SPATA16: variants seen among roughly 807,000 people sequenced by gnomAD.
The protein encoded by SPATA16 is spermatogenesis-associated protein 16.
SPATA16 carries 36 observed loss-of-function variants against 63.3 expected under a neutral mutation model. The observed-to-expected ratio is 0.57, with a 90% confidence interval of 0.44 to 0.75. The LOEUF (loss-of-function observed/expected upper bound fraction) is 0.75. Among genes scored for constraint, SPATA16 ranks in the 30% least tolerant of loss-of-function variants. The pLI is 0.00. For synonymous variants in SPATA16, 203 were observed against 216.7 expected, an observed-to-expected ratio of 0.94 and a Z score of 0.56; for missense variants, 646 against 679.3, an observed-to-expected ratio of 0.95 and a Z score of 0.54.
At chr3:173,060,262 AAAAGAAACAAAGCC>A (rs1352071584) in intron 2 of SPATA16, among the ~76,000 whole-genome samples, 1 of 152,154 alleles carries the variant, frequency 6.6e-6, no homozygotes, top group Non-Finnish European at 1.5e-5. Context: ...CATCCCCAAA[AAAAGAAACAAAGCC>A]AAAGATGGAG....
intron 2 of SPATA16, among the ~76,000 whole-genome samples, chr3:173,049,373 AAT>A (rs1362322488): frequency 1.3e-5 from 2 of 152,170 alleles, no homozygotes; most frequent in Non-Finnish European, 2.9e-5. Context: ...CTTCCTGTAA[AAT>A]ATTTTAAAAG....
At chr3:173,080,316 A>T (rs775047779) in intron 2 of SPATA16, among the ~76,000 whole-genome samples, 1 of 152,234 alleles carries the variant, frequency 6.6e-6, no homozygotes, top group African/African-American at 2.4e-5. Flanking sequence ...GTAGTTAGGG[A>T]CTAGGCAAAG....
chr3:172,924,863 G>A (rs1474501677), intron 7 of SPATA16, among the ~76,000 whole-genome samples: 1 of 152,102 alleles, frequency 6.6e-6, no homozygotes, highest in Non-Finnish European at 1.5e-5. Context: ...CTTGAGTTTT[G>A]AAAGTTTCGA....
intron 2 of SPATA16, among the ~76,000 whole-genome samples, chr3:173,109,041 A>G (rs1737686117): frequency 6.6e-6 from 1 of 152,136 alleles, no homozygotes; most frequent in African/African-American, 2.4e-5. Flanking sequence ...TTTTTATGGA[A>G]TGTGATTCTC....
At chr3:172,965,655 T>C (rs1459791610) in intron 5 of SPATA16, among the ~76,000 whole-genome samples, 1 of 151,874 alleles carries the variant, frequency 6.6e-6, no homozygotes, top group Non-Finnish European at 1.5e-5. Context: ...TTTTTTGAGA[T>C]GGAGTCTCGC....
At chr3:173,093,076 CAT>C (rs1553802178) in intron 2 of SPATA16, among the ~76,000 whole-genome samples, 67 of 144,040 alleles carry the variant, frequency 4.7e-4, no homozygotes, top group South Asian at 8.9e-4. Context: ...CACACACACA[CAT>C]ATATATATAT....
chr3:172,904,764 T>C (rs764128358), intron 10 of SPATA16, among the ~76,000 whole-genome samples: 3 of 152,238 alleles, frequency 2.0e-5, no homozygotes, highest in Admixed American at 6.5e-5. Context: ...GTGGGAAAGA[T>C]GGCCAGACCA....
chr3:172,918,655 A>G (rs1732551975), intron 8 of SPATA16, among the ~76,000 whole-genome samples: 1 of 152,164 alleles, frequency 6.6e-6, no homozygotes, highest in African/African-American at 2.4e-5. Flanking sequence ...ATAATAAAAA[A>G]TAGGAATTAG....
intron 3 of SPATA16, among the ~76,000 whole-genome samples, chr3:173,020,811 G>A (rs1473103269): frequency 2.0e-5 from 3 of 152,182 alleles, no homozygotes; most frequent in African/African-American, 7.2e-5. Flanking sequence ...GCTACAGAAT[G>A]TTACAGAACC....
In SPATA16 at chr3:173,088,326, G is replaced by A. The variant is rs182190114; in HGVS notation, c.612+28794C>T. ...TCTCTATCTCTTGACCTCATGATCCGACCACCTTGGCCTCCCAAAGTGCTG... is the reference window on the plus strand; with the variant it reads ...TCTCTATCTCTTGACCTCATGATCCAACCACCTTGGCCTCCCAAAGTGCTG... On this transcript the variant is annotated intron_variant, in intron 2 of 10. Coordinates refer to ENST00000351008, the MANE Select transcript of SPATA16 (RefSeq NM_031955.6). Among the ~76,000 whole-genome samples the A allele has an allele frequency of 1.4e-4, 21 of 151,548 alleles. No individual in the cohort carries two copies. The East Asian group carries it at 2.9e-3, about 21-fold the overall frequency.
intron 1 of SPATA16, among the ~76,000 whole-genome samples, chr3:173,119,529 C>T (rs1207479409): frequency 6.6e-6 from 1 of 152,162 alleles, no homozygotes; most frequent in Admixed American, 6.5e-5. Context: ...ATATGAATGA[C>T]TGAATTCCAA....
chr3:172,968,131 C>A (rs1378744614), intron 5 of SPATA16, among the ~76,000 whole-genome samples: 1 of 152,188 alleles, frequency 6.6e-6, no homozygotes, highest in African/African-American at 2.4e-5. Flanking sequence ...TGTATCAGCT[C>A]TGTTGCCTGA....
chr3:173,061,613 A>G (rs1223202750), intron 2 of SPATA16, among the ~76,000 whole-genome samples: 1 of 152,212 alleles, frequency 6.6e-6, no homozygotes, highest in Non-Finnish European at 1.5e-5. Context: ...AGGGTATTGC[A>G]ATTAATAGTT....
intron 4 of SPATA16, among the ~76,000 whole-genome samples, chr3:173,007,517 G>A (rs550217903): frequency 1.3e-5 from 2 of 152,264 alleles, no homozygotes; most frequent in East Asian, 3.9e-4. Context: ...CCAATTTGTT[G>A]TTTTTCTTAA....
At chr3:172,997,411 T>G (rs1328273933) in intron 4 of SPATA16, among the ~76,000 whole-genome samples, 2 of 152,168 alleles carry the variant, frequency 1.3e-5, no homozygotes, top group Non-Finnish European at 2.9e-5. Flanking sequence ...CCTGTATATC[T>G]TCTTTGGTGA....
intron 4 of SPATA16, among the ~76,000 whole-genome samples, chr3:173,017,431 GT>G (rs919785699): frequency 2.6e-5 from 4 of 152,094 alleles, no homozygotes; most frequent in Non-Finnish European, 5.9e-5. Flanking sequence ...AGTTCTTGTT[GT>G]TTGTTTTGGG....
intron 4 of SPATA16, among the ~76,000 whole-genome samples, chr3:172,990,217 C>T (rs969319762): frequency 1.3e-5 from 2 of 152,126 alleles, no homozygotes; most frequent in Non-Finnish European, 2.9e-5. Context: ...TAATTGTAAG[C>T]TCCATAAGGG....
chr3:172,908,039 G>A (rs1413696158), intron 10 of SPATA16, among the ~76,000 whole-genome samples: 1 of 152,144 alleles, frequency 6.6e-6, no homozygotes, highest in Non-Finnish European at 1.5e-5. Flanking sequence ...TCTTTAGGTA[G>A]TGTTTGCCTA....
At chr3:173,015,149 C>T (rs958484612) in intron 4 of SPATA16, among the ~76,000 whole-genome samples, 5 of 151,712 alleles carry the variant, frequency 3.3e-5, no homozygotes, top group Middle Eastern at 3.2e-3. Flanking sequence ...CCGCAAGCCC[C>T]GCCTCCTGGG....
Sources: gnomAD v4.1 joint callset for allele counts (sites outside exome capture counted in the v4.1 genomes callset) on GRCh38, gnomAD v4.1.1 for gene constraint, MANE v1.5 for transcripts, NCBI Gene and HGNC (gene_info 2026-07-23, HGNC 2026-07-21) for gene names.